Variants in PLAAT5 observed in about 807,000 individuals in gnomAD.
PLAAT5 encodes Ca(2+)-independent N-acyltransferase.
Under a neutral mutation model 27.8 loss-of-function variants are expected in PLAAT5, and 27 were observed. The ratio of observed to expected loss-of-function variants is 0.97; its 90% CI spans 0.72 to 1.34. PLAAT5 has a LOEUF of 1.34. Ranked by LOEUF, PLAAT5 falls within the 40% of genes most tolerant of loss-of-function variation. The probability of loss-of-function intolerance (pLI) is 0.00; values close to 1 mark genes in which losing one functional copy is unlikely to be tolerated. For synonymous variants in PLAAT5, 125 were observed against 136.1 expected, an observed-to-expected ratio of 0.92 and a Z score of 0.57; for missense variants, 368 against 343.8, an observed-to-expected ratio of 1.07 and a Z score of -0.56.
Position 63,463,545 on chromosome 11 carries a change from T to C in PLAAT5, c.768A>G (p.Ser256=), listed in dbSNP as rs2015773413. The change falls in exon 6 of 6, where the codon TCA becomes TCG. Residue 256 remains serine (S), a synonymous_variant. Transcript: ENST00000540857. ...EGAKAAGAVI[S]AVVDSIKPKP... is the part of the protein sequence containing the mutation. The stretch of plus-strand genomic sequence containing the variant: ...TGGGCTTTATGCTATCCACTACAGC[T>C]GAAATAACTGCTCCAGCAGCCTTCG... The C allele has an allele frequency of 3.7e-6, 6 of 1,613,822 alleles. No individual in the cohort carries two copies. The highest frequency in any genetic ancestry group is 1.3e-5 in the African/African-American group (1 of 74,930).
chr11:63,468,526 T>C, intron 3 of PLAAT5, 61 bp from the exon 4 acceptor site: 4 of 1,271,474 alleles, frequency 3.1e-6, no homozygotes, highest in Non-Finnish European at 3.4e-6. Context: ...GACCTTGTTT[T>C]AGGATCAGGG....
chr11:63,487,007 T>C (rs1185926860), intron 3 of PLAAT5, among the ~76,000 whole-genome samples: 1 of 152,228 alleles, frequency 6.6e-6, no homozygotes, highest in African/African-American at 2.4e-5. Flanking sequence ...CTCCTTCATA[T>C]AACTATTTTG....
In PLAAT5 at chr11:63,491,089, C is replaced by G. The variant is rs1344281462; in HGVS notation, c.-55G>C. The G allele has an allele frequency of 3.1e-6, 4 of 1,303,282 alleles. No individual in the cohort carries two copies. The highest frequency in any genetic ancestry group is 3.9e-5 in the Admixed American group (1 of 25,534). 80.7% of individuals were successfully genotyped at this position (1,303,282 alleles called of 1,614,324 possible). A position where few individuals can be genotyped will look rare whatever the true frequency, so the allele number is the denominator to read the frequency against. Reference sequence around the variant, plus strand: ...GCCTTGCAGGGGACTACGCCCCTGGCGAGTTCCCAGTCGGCGCGGCCCCTG... The same window carrying G: ...GCCTTGCAGGGGACTACGCCCCTGGGGAGTTCCCAGTCGGCGCGGCCCCTG... On this transcript the variant is annotated 5_prime_UTR_variant, in exon 1 of 6. Transcript: ENST00000540857.
At chr11:63,473,984 C>T (rs1227217528) in intron 3 of PLAAT5, among the ~76,000 whole-genome samples, 1 of 152,156 alleles carries the variant, frequency 6.6e-6, no homozygotes, top group Non-Finnish European at 1.5e-5. Context: ...CAGGCATGCC[C>T]CACAGCGCCC....
In PLAAT5 at chr11:63,462,953, G is replaced by T. The variant is rs2015755713; in HGVS notation, c.*550C>A. ...AAAAAGAAAATATTTCTTGGGATAT[G>T]TGTTTCTAGATTAAGGTACCATGGG... On this transcript the variant is annotated 3_prime_UTR_variant, in exon 6 of 6. Coordinates refer to ENST00000540857, the MANE Select transcript of PLAAT5 (RefSeq NM_001146729.2). 6.6e-6 allele frequency: 1 copy of T among 152,184 alleles called. No individual in the cohort carries two copies. Among genetic ancestry groups the T allele is most frequent in the South Asian group, 2.1e-4 (1 of 4,816 alleles). The allele number at this position is 152,184 out of a possible 1,614,324, so 9.4% of individuals were successfully genotyped here.
rs1380264319 is a variant in PLAAT5 at position 63,483,784 on chromosome 11, AATATATATATATATATGTAT to A, written c.345+5067_345+5086del. ...GTAAATGAAATTGAAGCAAAAAAAA[AATATATATATATATATGTAT>A]ATATATATATATATATATATATATA... On this transcript the variant is annotated intron_variant, in intron 3 of 5. Transcript: ENST00000540857. 3.6e-3 allele frequency among the ~76,000 whole-genome samples: 235 copies of A among 65,676 alleles called. 5 individuals are homozygous for A. The highest frequency in any genetic ancestry group is 0.021 in the African/African-American group (217 of 10,238). 43.1% of individuals were successfully genotyped at this position (65,676 alleles called of 152,430 possible).
intron 5 of PLAAT5, 39 bp from the exon 6 acceptor site, chr11:63,463,634 T>G (rs1225064716): frequency 6.4e-7 from 1 of 1,557,132 alleles, no homozygotes; most frequent in Non-Finnish European, 8.8e-7. Flanking sequence ...TCAGTACCAA[T>G]CCTAGGCTTG....
chr11:63,477,514 C>T (rs567135015), intron 3 of PLAAT5, among the ~76,000 whole-genome samples: 2 of 152,150 alleles, frequency 1.3e-5, no homozygotes, highest in African/African-American at 4.8e-5. Context: ...CTCGCCGTGT[C>T]GCCCAGGCTG....
intron 3 of PLAAT5, among the ~76,000 whole-genome samples, chr11:63,488,670 T>C (rs1293174643): frequency 6.7e-6 from 1 of 148,298 alleles, no homozygotes; most frequent in Non-Finnish European, 1.5e-5. Flanking sequence ...GAGACTTTTT[T>C]GTGGGTTTTT....
chr11:63,488,423 C>T (rs1173082950), intron 3 of PLAAT5, among the ~76,000 whole-genome samples: 1 of 152,036 alleles, frequency 6.6e-6, no homozygotes, highest in African/African-American at 2.4e-5. Context: ...ACTTCACTGG[C>T]ATATATATAT....
intron 3 of PLAAT5, among the ~76,000 whole-genome samples, chr11:63,485,599 A>G (rs2016414613): frequency 6.6e-6 from 1 of 152,094 alleles, no homozygotes; most frequent in Non-Finnish European, 1.5e-5. Context: ...TGGATCCTCA[A>G]CTCTCACCTT....
chr11:63,479,158 C>G (rs1394550745), intron 3 of PLAAT5, among the ~76,000 whole-genome samples: 1 of 152,100 alleles, frequency 6.6e-6, no homozygotes, highest in East Asian at 1.9e-4. Flanking sequence ...TTGAGTGCTA[C>G]GAGTTGGGAA....
At chr11:63,468,679 G>A (rs553666845) in intron 3 of PLAAT5, among the ~76,000 whole-genome samples, 17 of 152,200 alleles carry the variant, frequency 1.1e-4, no homozygotes, top group South Asian at 8.3e-4. Context: ...AAGGATACCC[G>A]TGCCAGTTAT....
chr11:63,489,088 G>GGGAACATTT, intron 2 of PLAAT5, 112 bp from the exon 3 acceptor site: 1 of 667,460 alleles, frequency 1.5e-6, no homozygotes, highest in Non-Finnish European at 2.6e-6. Context: ...GGAGACTGTA[G>GGGAACATTT]GGAACATTTC....
chr11:63,472,310 T>C (rs957732329), intron 3 of PLAAT5, among the ~76,000 whole-genome samples: 1 of 152,204 alleles, frequency 6.6e-6, no homozygotes, highest in Non-Finnish European at 1.5e-5. Context: ...GAGAGGAAGT[T>C]GAATTTACAT....
intron 3 of PLAAT5, among the ~76,000 whole-genome samples, chr11:63,471,802 A>C (rs1190382074): frequency 6.6e-6 from 1 of 152,230 alleles, no homozygotes; most frequent in Non-Finnish European, 1.5e-5. Flanking sequence ...TTTTAAACAA[A>C]ATTGTTTTTA....
At position 63,463,501 on chromosome 11, in the gene PLAAT5, CT is replaced by C. The variant is rs774635593; in HGVS notation, c.*1del. The C allele has an allele frequency of 1.9e-6, 3 of 1,611,072 alleles. No homozygotes were observed. The Admixed American group carries it at 5.0e-5, about 27-fold the overall frequency. ...TTCCTCTAGCTGGAGTTTTCATCAC[CT>C]TCAGGCAGTTATTGGTTTGGGCTTT... On this transcript the variant is annotated 3_prime_UTR_variant, in exon 6 of 6. Transcript: ENST00000540857.
At position 63,483,817 on chromosome 11, in the gene PLAAT5, A is replaced by ACACATATATATATATG. The variant is rs1565215318; in HGVS notation, c.345+5053_345+5054insCATATATATATATGTG. Among the ~76,000 whole-genome samples the ACACATATATATATATG allele has an allele frequency of 1.9e-3, 204 of 104,636 alleles. 4 individuals carry two copies. The highest frequency in any genetic ancestry group is 7.3e-3 in the African/African-American group (200 of 27,230). 68.6% of individuals were successfully genotyped at this position (104,636 alleles called of 152,430 possible). On this transcript the variant is annotated intron_variant, in intron 3 of 5. Coordinates refer to ENST00000540857, the MANE Select transcript of PLAAT5 (RefSeq NM_001146729.2). ...TATATATATGTATATATATATATAT[A>ACACATATATATATATG]TATATATATATATATATATATATAT...
intron 3 of PLAAT5, among the ~76,000 whole-genome samples, chr11:63,479,366 A>C (rs1378701377): frequency 1.3e-5 from 2 of 152,262 alleles, no homozygotes; most frequent in Non-Finnish European, 2.9e-5. Flanking sequence ...CTGTCTTCAT[A>C]AATGGCAAAG....
Sources: allele counts gnomAD v4.1 joint callset (sites outside exome capture counted in the v4.1 genomes callset), GRCh38; gene constraint gnomAD v4.1.1; transcripts MANE v1.5; gene names NCBI Gene and HGNC (gene_info 2026-07-23, HGNC 2026-07-21).